GSS: variants seen among roughly 807,000 people sequenced by gnomAD.
GSS encodes GSH synthetase.
In GSS, 34 loss-of-function variants were observed where a neutral mutation model predicts 60.4. That is an observed-to-expected ratio of 0.56 (90% CI 0.43 to 0.75). GSS has a LOEUF of 0.75. Ranked by LOEUF, GSS falls within the 30% of genes least tolerant of loss-of-function variation. The pLI is 0.00. For synonymous variants in GSS, 224 were observed against 239.0 expected (o/e 0.94, Z 0.58); for missense variants, 499 against 595.1 (o/e 0.84, Z 1.68).
At chr20:34,937,908 A>G (rs2081452632) in intron 6 of GSS, among the ~76,000 whole-genome samples, 1 of 151,996 alleles carries the variant, frequency 6.6e-6, no homozygotes, top group African/African-American at 2.4e-5. Flanking sequence ...CCCAGGCTGG[A>G]GTGCAGTGGC....
At chr20:34,948,073 C>T (rs1185802658) in intron 2 of GSS, among the ~76,000 whole-genome samples, 1 of 151,544 alleles carries the variant, frequency 6.6e-6, no homozygotes, top group East Asian at 1.9e-4. Context: ...ATCCTCCTGT[C>T]TCAGCCTCCC....
chr20:34,932,447 C>G (rs776051773), intron 9 of GSS, among the ~76,000 whole-genome samples: 11 of 152,194 alleles, frequency 7.2e-5, no homozygotes, highest in Non-Finnish European at 1.2e-4. Context: ...CTTCAAGATC[C>G]TTCAGGAGCT....
chr20:34,929,083 T>TCC (rs2081377336), intron 12 of GSS, 132 bp from the exon 13 acceptor site: 1 of 1,090,236 alleles, frequency 9.2e-7, no homozygotes, highest in Non-Finnish European at 1.4e-6. Context: ...AGAGTCTCTA[T>TCC]GCCTCTCTGG....
intron 8 of GSS, among the ~76,000 whole-genome samples, chr20:34,936,404 G>A (rs1038954409): frequency 4.6e-5 from 7 of 152,262 alleles, no homozygotes; most frequent in Admixed American, 4.6e-4. Flanking sequence ...CTCAGACAGT[G>A]GCATCCAGAC....
At chr20:34,948,920 A>G (rs2081543985) in intron 2 of GSS, among the ~76,000 whole-genome samples, 1 of 152,222 alleles carries the variant, frequency 6.6e-6, no homozygotes, top group Admixed American at 6.5e-5. Flanking sequence ...TCTTCTCTAA[A>G]GGGGGCAGCC....
chr20:34,949,574 G>A (rs2081550739), intron 2 of GSS: 1 of 151,934 alleles, frequency 6.6e-6, no homozygotes, highest in African/African-American at 2.4e-5. Flanking sequence ...GTCCTATATA[G>A]TATCTTGGGA....
chr20:34,931,729 G>A (rs1298767325), intron 10 of GSS: 1 of 626,688 alleles, frequency 1.6e-6, no homozygotes, highest in Non-Finnish European at 2.8e-6. Flanking sequence ...TACCTTTGCT[G>A]AGGGAGCTTA....
At chr20:34,943,708 G>A (rs766585741) in intron 3 of GSS, among the ~76,000 whole-genome samples, 25 of 152,252 alleles carry the variant, frequency 1.6e-4, no homozygotes, top group Middle Eastern at 3.4e-3. Flanking sequence ...CTCCTTTACA[G>A]CACTGACTGC....
At position 34,929,610 on chromosome 20, in the gene GSS, T is replaced by G; in HGVS notation, c.1112-20A>C. 6.2e-7 allele frequency: 1 copy of G among 1,608,298 alleles called. No individual in the cohort carries two copies. The highest frequency in any genetic ancestry group is 8.5e-7 in the Non-Finnish European group (1 of 1,175,198). ...TGTTACCTGCAATGAAACTGGCCAGTCACCCTGGACCCTCTGCCTACCTCC... is the reference window on the plus strand; with the variant it reads ...TGTTACCTGCAATGAAACTGGCCAGGCACCCTGGACCCTCTGCCTACCTCC... On this transcript the variant is annotated intron_variant, in intron 11 of 12. Transcript: ENST00000651619.
chr20:34,945,917 C>T, intron 3 of GSS, 36 bp downstream of exon 3: 1 of 1,610,392 alleles, frequency 6.2e-7, no homozygotes, highest in Non-Finnish European at 8.5e-7. Flanking sequence ...TTGGCTCTGG[C>T]AGCTCCTGGC....
chr20:34,946,697 GT>G (rs1270824644), intron 2 of GSS: 1 of 152,272 alleles, frequency 6.6e-6, no homozygotes, highest in East Asian at 1.9e-4. Flanking sequence ...TCACACTCCA[GT>G]TTCCTTGCCT....
intron 2 of GSS, chr20:34,950,011 T>TCACACACACACACACA (rs757661161): frequency 0.16 from 9,500 of 60,384 alleles, 384 homozygotes; most frequent in South Asian, 0.23. Flanking sequence ...TCTCTCTCTC[T>TCACACACACACACACA]CTCACACACA....
chr20:34,950,128 A>G (rs2081557054), intron 2 of GSS: 1 of 152,116 alleles, frequency 6.6e-6, no homozygotes, highest in Non-Finnish European at 1.5e-5. Context: ...TCCCAGAAAG[A>G]CCAAGTGTTG....
intron 1 of GSS, among the ~76,000 whole-genome samples, chr20:34,953,595 T>G (rs4911453): frequency 0.031 from 4,672 of 149,868 alleles, 294 homozygotes; most frequent in East Asian, 0.22. Flanking sequence ...TCTTTCTTTC[T>G]CTCTCTCTCC....
Position 34,932,115 on chromosome 20 carries a change from G to A in GSS, c.853C>T (p.Leu285=). 6.2e-7 allele frequency: 1 copy of A among 1,613,908 alleles called. No homozygotes were observed. Among genetic ancestry groups the A allele is most frequent in the Non-Finnish European group, 8.5e-7 (1 of 1,179,728 alleles). Residue 285 remains leucine, a synonymous_variant, in exon 10 of 13, where the codon CTG becomes TTG. Coordinates refer to ENST00000651619, the MANE Select transcript of GSS (RefSeq NM_000178.4). ...YSLQNWEARL[L]LERSHAAKCP... The stretch of plus-strand genomic sequence containing the variant: ...TTGGCAGCATGTGACCTCTCCAGCA[G>A]TAGACGTGCTTCCCAATTCTGCAGA...
At chr20:34,947,370 G>A (rs1042545945) in intron 2 of GSS, among the ~76,000 whole-genome samples, 81 of 152,300 alleles carry the variant, frequency 5.3e-4, no homozygotes, top group African/African-American at 8.4e-4. Flanking sequence ...TTACAGGCAT[G>A]AGCCACCATG....
intron 6 of GSS, among the ~76,000 whole-genome samples, chr20:34,938,024 A>C (rs925034602): frequency 6.6e-6 from 1 of 151,992 alleles, no homozygotes; most frequent in Admixed American, 6.6e-5. Flanking sequence ...CCGCCGGCTA[A>C]TTTTTGTAGT....
intron 2 of GSS, among the ~76,000 whole-genome samples, chr20:34,950,451 T>C (rs1160513653): frequency 6.6e-6 from 1 of 151,804 alleles, no homozygotes; most frequent in Non-Finnish European, 1.5e-5. Context: ...AGGTGTACTG[T>C]TAAGTTAAAG....
At chr20:34,952,079 C>T (rs2081573980) in intron 1 of GSS, 1 of 593,672 alleles carries the variant, frequency 1.7e-6, no homozygotes, top group Admixed American at 2.5e-5. Context: ...GCCACTCTCT[C>T]TTTTGATTCC....
Sources: allele counts gnomAD v4.1 joint callset (sites outside exome capture counted in the v4.1 genomes callset), GRCh38; gene constraint gnomAD v4.1.1; transcripts MANE v1.5; gene names NCBI Gene and HGNC (gene_info 2026-07-23, HGNC 2026-07-21).